CLVS1: variants seen among roughly 807,000 people sequenced by gnomAD.
CLVS1 encodes clavesin-1.
In CLVS1, 10 loss-of-function variants were observed where a neutral mutation model predicts 33.1. The ratio of observed to expected loss-of-function variants is 0.30; its 90% confidence interval spans 0.19 to 0.51. The LOEUF (loss-of-function observed/expected upper bound fraction) is 0.51, where lower values mean the gene tolerates loss of function less well. Ranked by LOEUF, CLVS1 falls within the 20% of genes least tolerant of loss-of-function variation. The pLI is 0.97. For synonymous variants in CLVS1, 163 were observed against 166.1 expected, an observed-to-expected ratio of 0.98 and a Z score of 0.14; for missense variants, 343 against 433.4, an observed-to-expected ratio of 0.79 and a Z score of 1.85.
chr8:61,423,501 CACTT>C (rs1181268496), intron 3 of CLVS1, among the ~76,000 whole-genome samples: 1 of 152,168 alleles, frequency 6.6e-6, no homozygotes, highest in Non-Finnish European at 1.5e-5. Flanking sequence ...TTCCTTTTCT[CACTT>C]AGTTATAAAA....
intron 5 of CLVS1, among the ~76,000 whole-genome samples, chr8:61,471,453 C>T (rs1459590510): frequency 2.6e-5 from 4 of 152,136 alleles, no homozygotes. Flanking sequence ...AATGATTATG[C>T]ATGGTGGCTT....
At chr8:61,043,296 T>G in the CLVS1 span, among the ~76,000 whole-genome samples, 1 of 152,216 alleles carries the variant, frequency 6.6e-6, no homozygotes, top group African/African-American at 2.4e-5. Flanking sequence ...CTCCTGAAAC[T>G]GCCTTCCCAT....
intron 2 of CLVS1, among the ~76,000 whole-genome samples, chr8:61,340,101 AAAAG>A (rs961470901): frequency 1.3e-4 from 19 of 151,972 alleles, no homozygotes; most frequent in African/African-American, 2.4e-4. Flanking sequence ...AAAAAGAAAG[AAAAG>A]AAAGAAAGAG....
At chr8:61,218,148 G>A (rs1357357734) in intron 2 of CLVS1, among the ~76,000 whole-genome samples, 3 of 152,120 alleles carry the variant, frequency 2.0e-5, no homozygotes, top group South Asian at 2.1e-4. Context: ...TATCACTACT[G>A]GGAATTTATC....
chr8:61,398,070 C>G (rs904802179), intron 3 of CLVS1, among the ~76,000 whole-genome samples: 2 of 152,058 alleles, frequency 1.3e-5, no homozygotes, highest in Non-Finnish European at 2.9e-5. Flanking sequence ...ACTGCATTGA[C>G]TCTCTAGACC....
At chr8:61,307,460 T>C (rs934449917) in intron 2 of CLVS1, among the ~76,000 whole-genome samples, 3 of 152,056 alleles carry the variant, frequency 2.0e-5, no homozygotes, top group African/African-American at 7.2e-5. Context: ...AAAGGTTGGA[T>C]TGAAGATGAA....
In CLVS1 at chr8:61,295,961, T is replaced by C. The variant is rs372368146; in HGVS notation, c.-151-3716T>C. Among the ~76,000 whole-genome samples the C allele has an allele frequency of 2.4e-3, 359 of 152,288 alleles. 1 individual carries two copies. Among genetic ancestry groups the C allele is most frequent in the African/African-American group, 8.3e-3 (344 of 41,574 alleles). ...TTAATATTGCCAGCACAGAAAACCATTTCCACTTCTTCATGTTGTACAAGT... is the reference window on the plus strand; with the variant it reads ...TTAATATTGCCAGCACAGAAAACCACTTCCACTTCTTCATGTTGTACAAGT... On this transcript the variant is annotated intron_variant, in intron 1 of 5. Coordinates refer to ENST00000325897, the MANE Select transcript of CLVS1 (RefSeq NM_173519.3).
chr8:61,441,019 A>C lies in CLVS1; in HGVS notation c.631-13122A>C, dbSNP rs80224433. On this transcript the variant is annotated intron_variant, in intron 3 of 5. Coordinates refer to ENST00000325897, the MANE Select transcript of CLVS1 (RefSeq NM_173519.3). ...ACTTCATTTTCTTTCAAATAGGTGGATATGTGACTTCCTCACTAATGACTG... is the reference window on the plus strand; with the variant it reads ...ACTTCATTTTCTTTCAAATAGGTGGCTATGTGACTTCCTCACTAATGACTG... Among the ~76,000 whole-genome samples, 604 of 152,338 alleles carry C rather than the reference A, an allele frequency of 4.0e-3. 2 individuals carry two copies. The highest frequency in any genetic ancestry group is 0.013 in the African/African-American group (549 of 41,588).
At chr8:61,418,728 A>T (rs1051423302) in intron 3 of CLVS1, among the ~76,000 whole-genome samples, 1 of 152,218 alleles carries the variant, frequency 6.6e-6, no homozygotes, top group African/African-American at 2.4e-5. Flanking sequence ...AGCTTACAAG[A>T]TGATCAGGTA....
At chr8:61,477,102 T>C (rs574693309) in intron 5 of CLVS1, among the ~76,000 whole-genome samples, 6 of 152,352 alleles carry the variant, frequency 3.9e-5, no homozygotes, top group Non-Finnish European at 8.8e-5. Context: ...ATTACGTTTA[T>C]TGATTTTTGT....
At chr8:61,094,590 G>A (rs1261117823) in intron 1 of CLVS1, among the ~76,000 whole-genome samples, 2 of 152,136 alleles carry the variant, frequency 1.3e-5, no homozygotes, top group Non-Finnish European at 2.9e-5. Context: ...GTACCTTAGA[G>A]TGTGACTGTA....
chr8:61,140,688 G>C (rs953718046), intron 2 of CLVS1, among the ~76,000 whole-genome samples: 1 of 151,948 alleles, frequency 6.6e-6, no homozygotes, highest in African/African-American at 2.4e-5. Context: ...TCAGCCTCCC[G>C]AGCAGCTGGG....
At chr8:61,489,171 A>G (rs1014632775) in intron 5 of CLVS1, among the ~76,000 whole-genome samples, 3 of 152,238 alleles carry the variant, frequency 2.0e-5, no homozygotes, top group Admixed American at 2.0e-4. Context: ...TGCGCCTAAA[A>G]CAAACATTTT....
chr8:61,171,894 C>T (rs1448104694), intron 2 of CLVS1, among the ~76,000 whole-genome samples: 1 of 152,156 alleles, frequency 6.6e-6, no homozygotes, highest in Non-Finnish European at 1.5e-5. Context: ...GGAAGTCAAG[C>T]AAGCGTGGAA....
chr8:61,142,638 C>T (rs1806328533), intron 2 of CLVS1, among the ~76,000 whole-genome samples: 1 of 152,182 alleles, frequency 6.6e-6, no homozygotes, highest in Non-Finnish European at 1.5e-5. Context: ...AGCCTTTCTG[C>T]CTCTTACATT....
At chr8:61,298,728 G>A (rs1029191355) in intron 1 of CLVS1, among the ~76,000 whole-genome samples, 1 of 152,182 alleles carries the variant, frequency 6.6e-6, no homozygotes, top group African/African-American at 2.4e-5. Flanking sequence ...CCAAACAGAT[G>A]TCTGCAAGAG....
intron 1 of CLVS1, among the ~76,000 whole-genome samples, chr8:61,289,966 G>C (rs1272303343): frequency 6.6e-6 from 1 of 152,162 alleles, no homozygotes; most frequent in African/African-American, 2.4e-5. Flanking sequence ...AAGAAAATTT[G>C]GTCATCCACA....
chr8:61,288,963 A>C (rs1297984337), intron 1 of CLVS1, among the ~76,000 whole-genome samples: 1 of 152,252 alleles, frequency 6.6e-6, no homozygotes. Flanking sequence ...AACTTAAGAA[A>C]GGGGGCTCTC....
the CLVS1 span, among the ~76,000 whole-genome samples, chr8:60,965,030 A>C: frequency 1.3e-5 from 2 of 151,880 alleles, no homozygotes; most frequent in African/African-American, 4.8e-5. Flanking sequence ...GGATGCATGA[A>C]TTTTCTTTTT....
Sources: allele counts gnomAD v4.1 joint callset (sites outside exome capture counted in the v4.1 genomes callset), GRCh38; gene constraint gnomAD v4.1.1; transcripts MANE v1.5; gene names NCBI Gene and HGNC (gene_info 2026-07-23, HGNC 2026-07-21).